The following RUNX2 variants were observed in gnomAD, a reference collection of about 807,000 sequenced individuals.
The protein encoded by RUNX2 is RUNX family transcription factor 2.
A neutral mutation model predicts 51.7 loss-of-function variants in RUNX2; 10 were observed. That is an observed-to-expected ratio of 0.19 (90% CI 0.12 to 0.33). RUNX2 has a LOEUF of 0.33. Among genes scored for constraint, RUNX2 ranks in the 10% least tolerant of loss-of-function variants. The pLI, the probability that RUNX2 is intolerant of heterozygous loss-of-function variation, is 1.00. For synonymous variants in RUNX2, 276 were observed against 273.6 expected (o/e 1.01, Z -0.09); for missense variants, 562 against 691.3 (o/e 0.81, Z 2.10).
intron 6 of RUNX2, among the ~76,000 whole-genome samples, chr6:45,503,922 T>C (rs866174928): frequency 6.6e-6 from 1 of 152,318 alleles, no homozygotes; most frequent in South Asian, 2.1e-4. Context: ...CTGCTTATTG[T>C]CTTCTAAGTT....
At position 45,328,785 on chromosome 6, in the gene RUNX2, G is replaced by T. The variant is rs1159867348; in HGVS notation, c.58+1G>T. Reference sequence around the variant, plus strand: ...CCATGTCAGCAAAACTTCTTTTGGGGTAAGTGTTACCATTTTTAAAATCCT... The same window carrying T: ...CCATGTCAGCAAAACTTCTTTTGGGTTAAGTGTTACCATTTTTAAAATCCT... On this transcript the variant is annotated splice_donor_variant, in intron 2 of 8. Transcript: ENST00000647337. LOFTEE classifies it high-confidence loss of function. The T allele has an allele frequency of 6.2e-7, 1 of 1,611,862 alleles. No individual in the cohort carries two copies. Among genetic ancestry groups the T allele is most frequent in the Non-Finnish European group, 8.5e-7 (1 of 1,178,494 alleles).
chr6:45,358,682 A>T (rs1433681036), intron 2 of RUNX2, among the ~76,000 whole-genome samples: 3 of 152,200 alleles, frequency 2.0e-5, no homozygotes, highest in African/African-American at 7.2e-5. Context: ...ACAGGTTCAC[A>T]GTCTCTTATC....
intron 3 of RUNX2, among the ~76,000 whole-genome samples, chr6:45,427,936 T>C (rs981903363): frequency 1.3e-5 from 2 of 152,184 alleles, no homozygotes; most frequent in Non-Finnish European, 2.9e-5. Context: ...ATGCTAGTTA[T>C]GGTGAGGTGC....
At chr6:45,423,543 C>A (rs1237239563) in intron 3 of RUNX2, among the ~76,000 whole-genome samples, 1 of 152,286 alleles carries the variant, frequency 6.6e-6, no homozygotes, top group East Asian at 1.9e-4. Flanking sequence ...CGGTCCTGGT[C>A]CCTCCCGGGC....
At position 45,355,771 on chromosome 6, in the gene RUNX2, T is replaced by C. The variant is rs78103989; in HGVS notation, c.58+26987T>C. On this transcript the variant is annotated intron_variant, in intron 2 of 8. Coordinates refer to ENST00000647337, the MANE Select transcript of RUNX2 (RefSeq NM_001024630.4). ...AAATTGGAAGAGGCAGAATAAAAAA[T>C]ACTATCAGTGCTTGACTTAGAAATG... Among the ~76,000 whole-genome samples the C allele has an allele frequency of 1.1e-3, 169 of 152,274 alleles. 1 individual carries two copies. Among genetic ancestry groups the C allele is most frequent in the African/African-American group, 4.0e-3 (165 of 41,556 alleles).
At chr6:45,476,216 A>G (rs148540208) in intron 5 of RUNX2, among the ~76,000 whole-genome samples, 1 of 152,290 alleles carries the variant, frequency 6.6e-6, no homozygotes, top group East Asian at 1.9e-4. Flanking sequence ...CAGAAATGGG[A>G]TGGAAAAGAG....
chr6:45,533,627 G>T (rs1801932689), intron 7 of RUNX2, among the ~76,000 whole-genome samples: 1 of 152,162 alleles, frequency 6.6e-6, no homozygotes, highest in Non-Finnish European at 1.5e-5. Flanking sequence ...TTTGGATTCG[G>T]AAGTTACATA....
intron 2 of RUNX2, among the ~76,000 whole-genome samples, chr6:45,348,512 C>CAAAAAAAAAAAAAAAAAAAAAAAAAA (rs754208599): frequency 9.1e-6 from 1 of 110,350 alleles, no homozygotes. Flanking sequence ...ACTAAAAATA[C>CAAAAAAAAAAAAAAAAAAAAAAAAAA]AAAAAAAAAA....
chr6:45,479,733 A>G (rs924016962), intron 5 of RUNX2, among the ~76,000 whole-genome samples: 1 of 152,218 alleles, frequency 6.6e-6, no homozygotes, highest in African/African-American at 2.4e-5. Context: ...CTTGCTTTTG[A>G]AAAACAAAAA....
chr6:45,392,721 T>C (rs1402860145), intron 2 of RUNX2, among the ~76,000 whole-genome samples: 1 of 140,608 alleles, frequency 7.1e-6, no homozygotes. Context: ...TTTTTTTTTT[T>C]ATATTTATGC....
intron 7 of RUNX2, among the ~76,000 whole-genome samples, chr6:45,518,142 A>C (rs547992021): frequency 6.6e-6 from 1 of 152,326 alleles, no homozygotes; most frequent in South Asian, 2.1e-4. Flanking sequence ...CTTAAGAGCC[A>C]CCTGTTTGGT....
rs901349498 is a variant in RUNX2 at position 45,519,705 on chromosome 6, C to T, written c.1021+7298C>T. On this transcript the variant is annotated intron_variant, in intron 7 of 8. Transcript: ENST00000647337. ...CTTGGTAATATGCATTTAAGTTCCT[C>T]CATGTCTTTTCATGGCTTATTAATG... Among the ~76,000 whole-genome samples, 3 of 151,764 alleles carry T rather than the reference C, an allele frequency of 2.0e-5. No homozygotes were observed. The East Asian group carries it at 5.8e-4, about 29-fold the overall frequency.
chr6:45,497,190 T>C lies in RUNX2; in HGVS notation c.859+5076T>C, dbSNP rs1800673086. On this transcript the variant is annotated intron_variant, in intron 6 of 8. Coordinates refer to ENST00000647337, the MANE Select transcript of RUNX2 (RefSeq NM_001024630.4). ...CATGATTCTTCCTAGGTTGCAGCGT[T>C]CCCTTTCATGATTTCCTTTCTCTTT... 2.6e-5 allele frequency among the ~76,000 whole-genome samples: 4 copies of C among 152,258 alleles called. No individual in the cohort carries two copies. In the South Asian group the frequency reaches 8.3e-4, roughly 31 times the overall value.
intron 2 of RUNX2, among the ~76,000 whole-genome samples, chr6:45,381,646 C>T (rs1028462869): frequency 2.6e-5 from 4 of 152,176 alleles, no homozygotes; most frequent in East Asian, 1.9e-4. Flanking sequence ...CCAGGCTGGT[C>T]TCAAACTCCT....
At position 45,422,785 on chromosome 6, in the gene RUNX2, C is replaced by T. The variant is rs1485309580; in HGVS notation, c.251C>T (p.Ala84Val). Residue 84 changes from alanine (A) to valine (V), a missense_variant, in exon 3 of 9, where the codon GCG (alanine) becomes GTG (valine). Ala to Val is a moderately conservative substitution (Grantham distance 64, BLOSUM62 0). Transcript: ENST00000647337. ...GCGGCTGCGGCGGCGGCGGCGGCTG[C>T]GGCGGCGGCAGCTGCAGTGCCCCGG... ...AAAAAAAAAA[A>V]AAAAAVPRLR... 3 of 1,457,836 alleles carry T rather than the reference C, an allele frequency of 2.1e-6. No individual in the cohort carries two copies. The highest frequency in any genetic ancestry group is 1.8e-6 in the Non-Finnish European group (2 of 1,103,008). 90.3% of individuals were successfully genotyped at this position (1,457,836 alleles called of 1,614,324 possible).
At chr6:45,465,550 A>C (rs1799604963) in intron 5 of RUNX2, among the ~76,000 whole-genome samples, 1 of 152,088 alleles carries the variant, frequency 6.6e-6, no homozygotes, top group African/African-American at 2.4e-5. Flanking sequence ...TCATATGGTC[A>C]TATGATGTTT....
chr6:45,435,899 T>C (rs777328749), intron 4 of RUNX2, among the ~76,000 whole-genome samples: 1 of 152,222 alleles, frequency 6.6e-6, no homozygotes, highest in Non-Finnish European at 1.5e-5. Flanking sequence ...CTTTTTGCGA[T>C]CTTTCCATTG....
At chr6:45,454,684 A>ATG (rs1563094190) in intron 5 of RUNX2, among the ~76,000 whole-genome samples, 1 of 152,132 alleles carries the variant, frequency 6.6e-6, no homozygotes, top group African/African-American at 2.4e-5. Flanking sequence ...TTATCTATGT[A>ATG]TGTGTGTGTG....
chr6:45,534,265 G>A (rs1424186476), intron 7 of RUNX2, among the ~76,000 whole-genome samples: 1 of 151,924 alleles, frequency 6.6e-6, no homozygotes, highest in Admixed American at 6.6e-5. Context: ...GGGGAAAAAA[G>A]GACACAAATT....
Sources: allele counts gnomAD v4.1 joint callset (sites outside exome capture counted in the v4.1 genomes callset), GRCh38; gene constraint gnomAD v4.1.1; transcripts MANE v1.5; gene names NCBI Gene and HGNC (gene_info 2026-07-23, HGNC 2026-07-21).